TENM2: variants seen among roughly 807,000 people sequenced by gnomAD.
TENM2 encodes teneurin-2.
Under a neutral mutation model 245.2 loss-of-function variants are expected in TENM2, and 52 were observed. The observed-to-expected ratio is 0.21, with a 90% confidence interval of 0.17 to 0.27. TENM2 has a LOEUF of 0.27. Among genes scored for constraint, TENM2 ranks in the 10% least tolerant of loss-of-function variants. TENM2 has a pLI of 1.00. For missense variants in TENM2, 3,046 were observed against 3,666.8 expected (o/e 0.83, Z 4.37); for synonymous variants, 1,363 against 1,438.9 (o/e 0.95, Z 1.19).
chr5:168,234,978 G>A (rs1327296773), intron 25 of TENM2, among the ~76,000 whole-genome samples: 1 of 152,156 alleles, frequency 6.6e-6, no homozygotes, highest in Non-Finnish European at 1.5e-5. Flanking sequence ...TTACGTGTTG[G>A]CATGTGTTAC....
intron 1 of TENM2, among the ~76,000 whole-genome samples, chr5:167,336,323 T>C (rs1757752060): frequency 6.6e-6 from 1 of 151,858 alleles, no homozygotes; most frequent in South Asian, 2.1e-4. Context: ...GGAGAGCTGC[T>C]TGGAGTGTGT....
At chr5:167,350,699 T>TATATGGATATATATATATGGGATATATAC (rs1561883552) in intron 1 of TENM2, among the ~76,000 whole-genome samples, 2 of 141,522 alleles carry the variant, frequency 1.4e-5, no homozygotes, top group African/African-American at 5.5e-5. Context: ...ATGGGATACA[T>TATATGGATATATATATATGGGATATATAC]ATATGGATAT....
At chr5:167,474,574 C>T (rs956577434) in intron 2 of TENM2, among the ~76,000 whole-genome samples, 1 of 150,418 alleles carries the variant, frequency 6.6e-6, no homozygotes, top group Non-Finnish European at 1.5e-5. Flanking sequence ...AGTGCAGTGG[C>T]GTGATCATGG....
At chr5:167,555,808 G>A (rs1349119169) in intron 2 of TENM2, among the ~76,000 whole-genome samples, 1 of 152,094 alleles carries the variant, frequency 6.6e-6, no homozygotes, top group African/African-American at 2.4e-5. Flanking sequence ...GGGCCTGCTG[G>A]AGAGCTCCAA....
chr5:167,393,687 A>AT (rs1168568521), intron 2 of TENM2, among the ~76,000 whole-genome samples: 1 of 152,202 alleles, frequency 6.6e-6, no homozygotes, highest in Non-Finnish European at 1.5e-5. Context: ...AGTTTTGAGC[A>AT]TAAGAATGTC....
chr5:167,160,447 A>C, the TENM2 span, among the ~76,000 whole-genome samples: 1 of 152,354 alleles, frequency 6.6e-6, no homozygotes, highest in South Asian at 2.1e-4. Flanking sequence ...GAAGGAAGAT[A>C]TACCTTGGTA....
intron 2 of TENM2, among the ~76,000 whole-genome samples, chr5:167,740,986 G>A (rs778840440): frequency 6.6e-6 from 1 of 151,972 alleles, no homozygotes; most frequent in African/African-American, 2.4e-5. Context: ...CAGATGTGCC[G>A]AGCTCATTCC....
At chr5:167,745,482 G>T (rs114861818) in intron 2 of TENM2, among the ~76,000 whole-genome samples, 61 of 152,256 alleles carry the variant, frequency 4.0e-4, no homozygotes, top group African/African-American at 1.4e-3. Context: ...GTTCCCCTCG[G>T]TATTCTCACA....
the TENM2 span, among the ~76,000 whole-genome samples, chr5:167,029,391 C>G: frequency 6.6e-6 from 1 of 152,180 alleles, no homozygotes; most frequent in African/African-American, 2.4e-5. Context: ...CCTTTGGCCT[C>G]TAATGAGCCA....
chr5:167,906,909 T>C (rs1175426026), intron 3 of TENM2, among the ~76,000 whole-genome samples: 1 of 152,092 alleles, frequency 6.6e-6, no homozygotes, highest in Non-Finnish European at 1.5e-5. Flanking sequence ...AGACCCTCCA[T>C]CCTGGATGAT....
At chr5:167,051,608 G>A in the TENM2 span, among the ~76,000 whole-genome samples, 1 of 152,264 alleles carries the variant, frequency 6.6e-6, no homozygotes, top group South Asian at 2.1e-4. Context: ...GGGACTCGGA[G>A]GAGGCGAGAG....
chr5:167,579,070 C>G (rs1173248195), intron 2 of TENM2, among the ~76,000 whole-genome samples: 1 of 152,104 alleles, frequency 6.6e-6, no homozygotes, highest in Non-Finnish European at 1.5e-5. Flanking sequence ...TTAATTTGTT[C>G]CATTTACTTT....
At chr5:167,889,655 A>T (rs1774587647) in intron 3 of TENM2, among the ~76,000 whole-genome samples, 1 of 151,824 alleles carries the variant, frequency 6.6e-6, no homozygotes, top group African/African-American at 2.4e-5. Context: ...GGGAGCAGTG[A>T]TCTTTACCAG....
the TENM2 span, among the ~76,000 whole-genome samples, chr5:167,111,376 T>A: frequency 6.6e-6 from 1 of 152,160 alleles, no homozygotes; most frequent in East Asian, 1.9e-4. Flanking sequence ...TGATATGGTT[T>A]TTATTAGCAA....
the TENM2 span, chr5:167,164,921 TAGG>T: frequency 5.3e-5 from 8 of 152,222 alleles, no homozygotes; most frequent in Non-Finnish European, 8.8e-5. Context: ...ATTTTGATGA[TAGG>T]AGAATTTGAT....
chr5:168,075,785 T>G (rs369798054), intron 7 of TENM2, among the ~76,000 whole-genome samples: 1 of 152,234 alleles, frequency 6.6e-6, no homozygotes, highest in African/African-American at 2.4e-5. Context: ...TAGTTCCACA[T>G]GGCTGGGGAG....
intron 1 of TENM2, among the ~76,000 whole-genome samples, chr5:167,355,911 C>T (rs1487175935): frequency 6.8e-5 from 10 of 147,988 alleles, no homozygotes; most frequent in Non-Finnish European, 1.0e-4. Flanking sequence ...GGCTGGGTGC[C>T]GTGGCTCACA....
At chr5:167,122,956 C>T in the TENM2 span, among the ~76,000 whole-genome samples, 37 of 152,030 alleles carry the variant, frequency 2.4e-4, no homozygotes, top group East Asian at 6.8e-3. Context: ...AGGAAAAATA[C>T]GATTATCATC....
At chr5:168,230,367 G>GCATCT (rs1333806954) in intron 25 of TENM2, among the ~76,000 whole-genome samples, 1 of 152,198 alleles carries the variant, frequency 6.6e-6, no homozygotes, top group Non-Finnish European at 1.5e-5. Context: ...GAATTTATTT[G>GCATCT]CATCTCATTT....
Sources: gnomAD v4.1 joint callset for allele counts (sites outside exome capture counted in the v4.1 genomes callset) on GRCh38, gnomAD v4.1.1 for gene constraint, MANE v1.5 for transcripts, NCBI Gene and HGNC (gene_info 2026-07-23, HGNC 2026-07-21) for gene names.